The following CSMD2 variants were observed in gnomAD, a reference collection of about 807,000 sequenced individuals.
The protein encoded by CSMD2 is CUB and Sushi multiple domains 2.
In CSMD2, 130 loss-of-function variants were observed where a neutral mutation model predicts 398.5. The observed-to-expected ratio is 0.33, with a 90% confidence interval of 0.28 to 0.38. The LOEUF (loss-of-function observed/expected upper bound fraction) is 0.38. CSMD2 is among the 10% of genes least tolerant of loss of function. The pLI is 1.00. For missense variants in CSMD2, 3,829 were observed against 4,764.9 expected, an observed-to-expected ratio of 0.80 and a Z score of 5.78; for synonymous variants, 1,828 against 1,908.5, an observed-to-expected ratio of 0.96 and a Z score of 1.10.
intron 6 of CSMD2, among the ~76,000 whole-genome samples, chr1:33,831,102 G>A (rs1659496307): frequency 6.6e-6 from 1 of 152,132 alleles, no homozygotes. Context: ...ATACTATCCA[G>A]GAGAACTTCT....
intron 2 of CSMD2, among the ~76,000 whole-genome samples, chr1:34,052,216 G>A (rs909224468): frequency 1.4e-4 from 21 of 151,036 alleles, no homozygotes; most frequent in Middle Eastern, 6.8e-3. Context: ...ACACAGTAGC[G>A]TTCCCCATCT....
At chr1:34,026,913 C>T (rs1189846810) in intron 3 of CSMD2, among the ~76,000 whole-genome samples, 1 of 152,108 alleles carries the variant, frequency 6.6e-6, no homozygotes, top group Non-Finnish European at 1.5e-5. Context: ...ACACAGAAAC[C>T]AAGATCAACA....
chr1:33,913,827 C>CA (rs1445386196), intron 5 of CSMD2, among the ~76,000 whole-genome samples: 3 of 151,894 alleles, frequency 2.0e-5, no homozygotes, highest in African/African-American at 7.3e-5. Context: ...GGGGATGGTT[C>CA]TGGAGAGACT....
chr1:33,715,223 A>G (rs1271383738), intron 20 of CSMD2, among the ~76,000 whole-genome samples: 1 of 152,118 alleles, frequency 6.6e-6, no homozygotes, highest in Non-Finnish European at 1.5e-5. Context: ...GCAACAAACT[A>G]GATACATTCA....
At chr1:33,985,702 C>T (rs1386383766) in intron 3 of CSMD2, among the ~76,000 whole-genome samples, 2 of 152,188 alleles carry the variant, frequency 1.3e-5, no homozygotes, top group African/African-American at 2.4e-5. Context: ...AGTCCCTGCT[C>T]CCCAGTAGAT....
At chr1:33,744,850 C>T (rs1021443267) in intron 13 of CSMD2, among the ~76,000 whole-genome samples, 1 of 152,136 alleles carries the variant, frequency 6.6e-6, no homozygotes, top group Non-Finnish European at 1.5e-5. Context: ...GAATCTCATA[C>T]ATGCATTTAT....
intron 29 of CSMD2, among the ~76,000 whole-genome samples, chr1:33,645,044 C>G (rs961060684): frequency 1.3e-5 from 2 of 152,058 alleles, no homozygotes; most frequent in Non-Finnish European, 2.9e-5. Context: ...TAGGCTGGTG[C>G]TGGCAGTGGG....
At chr1:33,736,419 T>C (rs988821956) in intron 15 of CSMD2, among the ~76,000 whole-genome samples, 5 of 151,106 alleles carry the variant, frequency 3.3e-5, no homozygotes, top group African/African-American at 1.2e-4. Flanking sequence ...AGGTGGAGCT[T>C]GCAGTGAGCC....
In CSMD2 at chr1:33,819,752, T is replaced by C. The variant is rs112713279; in HGVS notation, c.1285A>G (p.Met429Val). 1.2e-6 allele frequency: 2 copies of C among 1,614,034 alleles called. No homozygotes were observed. Residue 429 changes from methionine to valine, a missense_variant, in exon 9 of 71, where the codon ATG (methionine) becomes GTG (valine). Coordinates refer to ENST00000373381, the MANE Select transcript of CSMD2 (RefSeq NM_001281956.2). ...CTGTGGTCGCTCCAGGCCGCAAACATGTCGCTCACTTTCATACAGGTGATC... is the reference window on the plus strand; with the variant it reads ...CTGTGGTCGCTCCAGGCCGCAAACACGTCGCTCACTTTCATACAGGTGATC... ...KRITCMKVSD[M>V]FAAWSDHRPV... is the part of the protein sequence containing the mutation.
intron 11 of CSMD2, among the ~76,000 whole-genome samples, chr1:33,791,259 C>T (rs1010937625): frequency 2.0e-5 from 3 of 152,210 alleles, no homozygotes; most frequent in Admixed American, 2.0e-4. Flanking sequence ...CTGCTATCAA[C>T]CTTCTCTGAA....
rs553138618 is a variant in CSMD2 at position 34,115,793 on chromosome 1, G to A, written c.188-26600C>T. Among the ~76,000 whole-genome samples, 8 of 152,096 alleles carry A rather than the reference G, an allele frequency of 5.3e-5. No individual in the cohort carries two copies. In the South Asian group the frequency reaches 6.2e-4, roughly 12 times the overall value. ...TACAAAATTGTAAAAGGTGAAATTC[G>A]TGATATTGCTAATACAAAGTGTGTA... On this transcript the variant is annotated intron_variant, in intron 1 of 70. Transcript: ENST00000373381.
chr1:33,763,182 G>GA (rs1650053862), intron 13 of CSMD2, among the ~76,000 whole-genome samples: 1 of 152,170 alleles, frequency 6.6e-6, no homozygotes, highest in African/African-American at 2.4e-5. Flanking sequence ...AAGAGCTCAA[G>GA]CCTTCCCATT....
intron 3 of CSMD2, among the ~76,000 whole-genome samples, chr1:33,994,006 C>T (rs887211764): frequency 8.5e-5 from 13 of 152,112 alleles, no homozygotes; most frequent in African/African-American, 2.9e-4. Flanking sequence ...AAAAAGGTCA[C>T]GTTCTGTTAA....
chr1:33,743,141 T>C (rs1387043324), intron 14 of CSMD2, 139 bp downstream of exon 14: 8 of 675,068 alleles, frequency 1.2e-5, no homozygotes, highest in South Asian at 2.2e-5. Context: ...GGGAGCTCCA[T>C]GACTGGGCAC....
At position 34,164,849 on chromosome 1, in the gene CSMD2, T is replaced by TGGGCTCG. The variant is rs1294334463; in HGVS notation, c.187+55_187+61dup. The TGGGCTCG allele has an allele frequency of 4.5e-6, 4 of 881,872 alleles. No individual in the cohort carries two copies. The highest frequency in any genetic ancestry group is 3.9e-6 in the Non-Finnish European group (3 of 763,142). The allele number at this position is 881,872 out of a possible 1,614,324, so 54.6% of individuals were successfully genotyped here. On this transcript the variant is annotated intron_variant, in intron 1 of 70. Coordinates refer to ENST00000373381, the MANE Select transcript of CSMD2 (RefSeq NM_001281956.2). The surrounding 1 kb of genome is among the most constrained non-coding windows in gnomAD (Gnocchi z 6.2). Reference sequence around the variant, plus strand: ...GGACTGGGACCGGGTCGAGGATGGGTGGGCTCGGGGCTCGGGTGGGGCGCG... The same window carrying TGGGCTCG: ...GGACTGGGACCGGGTCGAGGATGGGTGGGCTCGGGGCTCGGGGCTCGGGTGGGGCGCG...
At chr1:34,128,566 CT>C (rs1193171901) in intron 1 of CSMD2, among the ~76,000 whole-genome samples, 6 of 152,198 alleles carry the variant, frequency 3.9e-5, no homozygotes, top group South Asian at 2.1e-4. Context: ...ATAGACCTGT[CT>C]TGCTGAGCAC....
In CSMD2 at chr1:34,104,639, C is replaced by T. The variant is rs10218838; in HGVS notation, c.188-15446G>A. ...GCTGCAGATGCTGGATAAATCATCACGCCCGCTGAAGGTGTCTCACCTGCC... is the reference window on the plus strand; with the variant it reads ...GCTGCAGATGCTGGATAAATCATCATGCCCGCTGAAGGTGTCTCACCTGCC... On this transcript the variant is annotated intron_variant, in intron 1 of 70. Coordinates refer to ENST00000373381, the MANE Select transcript of CSMD2 (RefSeq NM_001281956.2). 6.1e-3 allele frequency among the ~76,000 whole-genome samples: 928 copies of T among 152,294 alleles called. 9 individuals are homozygous for T. The highest frequency in any genetic ancestry group is 0.021 in the African/African-American group (883 of 41,572).
At chr1:33,829,125 C>A (rs10914788) in intron 6 of CSMD2, among the ~76,000 whole-genome samples, 1 of 152,158 alleles carries the variant, frequency 6.6e-6, no homozygotes, top group South Asian at 2.1e-4. Flanking sequence ...TTGTCCTCAT[C>A]ATGTTAGCGC....
At chr1:33,919,565 G>C (rs528657050) in intron 4 of CSMD2, among the ~76,000 whole-genome samples, 1 of 152,206 alleles carries the variant, frequency 6.6e-6, no homozygotes, top group African/African-American at 2.4e-5. Context: ...CTCTCCCAGA[G>C]TAGGTGCTTA....
Sources: allele counts gnomAD v4.1 joint callset (sites outside exome capture counted in the v4.1 genomes callset), GRCh38; gene constraint gnomAD v4.1.1; non-coding constraint Gnocchi (gnomAD v3.1); transcripts MANE v1.5; gene names NCBI Gene and HGNC (gene_info 2026-07-23, HGNC 2026-07-21).